The following CD226 variants were observed in gnomAD, a reference collection of about 807,000 sequenced individuals.
The protein encoded by CD226 is CD226 molecule.
In CD226, 24 loss-of-function variants were observed where a neutral mutation model predicts 34.9. The ratio of observed to expected loss-of-function variants is 0.69; its 90% CI spans 0.50 to 0.97. The LOEUF (loss-of-function observed/expected upper bound fraction) is 0.97. Ranked by LOEUF, CD226 falls within the 50% of genes least tolerant of loss-of-function variation. The probability of loss-of-function intolerance (pLI) is 0.00; values close to 1 mark genes in which losing one functional copy is unlikely to be tolerated. For missense variants in CD226, 397 were observed against 412.7 expected (o/e 0.96, Z 0.33); for synonymous variants, 148 against 147.4 (o/e 1.00, Z -0.03).
intron 2 of CD226, among the ~76,000 whole-genome samples, chr18:69,930,034 T>A (rs1371264588): frequency 6.6e-6 from 1 of 152,160 alleles, no homozygotes; most frequent in Non-Finnish European, 1.5e-5. Flanking sequence ...CACGGGCAAC[T>A]ACAAACAAAA....
chr18:69,896,172 T>G, intron 2 of CD226, 127 bp from the exon 3 acceptor site: 1 of 1,407,456 alleles, frequency 7.1e-7, no homozygotes, highest in Non-Finnish European at 9.2e-7. Flanking sequence ...GAATGACCTC[T>G]TTATACTACT....
Position 69,895,975 on chromosome 18 carries a change from A to G in CD226, c.453T>C (p.Thr151=). The G allele has an allele frequency of 6.2e-7, 1 of 1,614,044 alleles. No individual in the cohort carries two copies. Among genetic ancestry groups the G allele is most frequent in the East Asian group, 2.2e-5 (1 of 44,884 alleles). The change falls in exon 3 of 6, where the codon ACT becomes ACC. Residue 151 remains threonine, a synonymous_variant. Coordinates refer to ENST00000582621, the MANE Select transcript of CD226 (RefSeq NM_001303618.2). ...CAGGCCACGTCATCTGAGGCTGACA[A>G]GTGAGTGTGACATTCTTTCCAGGTT... ...VSEPGKNVTL[T]CQPQMTWPVQ...
chr18:69,935,906 G>A (rs2055647235), intron 2 of CD226, among the ~76,000 whole-genome samples: 1 of 152,210 alleles, frequency 6.6e-6, no homozygotes, highest in Non-Finnish European at 1.5e-5. Flanking sequence ...CAAAATGGCT[G>A]CACACAAAGA....
chr18:69,900,443 A>T (rs564861512), intron 2 of CD226, among the ~76,000 whole-genome samples: 1 of 152,128 alleles, frequency 6.6e-6, no homozygotes, highest in Non-Finnish European at 1.5e-5. Flanking sequence ...TTTTTTAAAA[A>T]TTTTTCTGGC....
In CD226 at chr18:69,956,147, C is replaced by T. The variant is rs193060949; in HGVS notation, c.-28+608G>A. On this transcript the variant is annotated intron_variant, in intron 1 of 6. Transcript: ENST00000280200. ...CTGAAACTATGGCCTGAGGGCTGGG[C>T]GCAGCCCACTGATTTCCATAAACAG... Among the ~76,000 whole-genome samples, 205 of 152,334 alleles carry T rather than the reference C, an allele frequency of 1.3e-3. 1 individual carries two copies. The highest frequency in any genetic ancestry group is 4.6e-3 in the African/African-American group (193 of 41,576).
intron 2 of CD226, among the ~76,000 whole-genome samples, chr18:69,940,015 A>G (rs575265643): frequency 9.2e-5 from 14 of 152,286 alleles, no homozygotes; most frequent in African/African-American, 3.1e-4. Context: ...CGTGGGAGAG[A>G]CCAGGTGGAG....
At chr18:69,956,592 G>C (rs539012257) in intron 1 of CD226, 3 of 152,368 alleles carry the variant, frequency 2.0e-5, no homozygotes, top group Non-Finnish European at 4.4e-5. Flanking sequence ...ACAGTTCACA[G>C]AACACCGAGC....
At chr18:69,953,231 A>C (rs1476507015) in intron 1 of CD226, among the ~76,000 whole-genome samples, 1 of 152,232 alleles carries the variant, frequency 6.6e-6, no homozygotes, top group Admixed American at 6.5e-5. Flanking sequence ...ATATACTCAA[A>C]AGAATATACT....
intron 3 of CD226, among the ~76,000 whole-genome samples, chr18:69,891,400 G>A (rs141638456): frequency 4.4e-4 from 67 of 152,196 alleles, no homozygotes; most frequent in South Asian, 6.2e-4. Context: ...GTAAGACTGA[G>A]AACTTTTGCT....
At chr18:69,892,462 C>CTTCG (rs1243204909) in intron 3 of CD226, among the ~76,000 whole-genome samples, 2 of 152,210 alleles carry the variant, frequency 1.3e-5, no homozygotes, top group African/African-American at 4.8e-5. Context: ...TTTCCTTGCC[C>CTTCG]TTCGGTCCAG....
chr18:69,900,307 A>G (rs1320113746), intron 2 of CD226, among the ~76,000 whole-genome samples: 1 of 151,316 alleles, frequency 6.6e-6, no homozygotes, highest in Non-Finnish European at 1.5e-5. Flanking sequence ...GAGGGAGAGA[A>G]GCAGAAAAGA....
intron 2 of CD226, among the ~76,000 whole-genome samples, chr18:69,917,515 A>C (rs759631770): frequency 5.9e-5 from 9 of 152,156 alleles, no homozygotes; most frequent in Non-Finnish European, 1.0e-4. Flanking sequence ...CTCATATTTT[A>C]GCCTATATGC....
intron 5 of CD226, among the ~76,000 whole-genome samples, chr18:69,865,770 G>A (rs1189025913): frequency 6.6e-6 from 1 of 152,290 alleles, no homozygotes; most frequent in Non-Finnish European, 1.5e-5. Context: ...GAAGGCATCT[G>A]ATGAACACAT....
At chr18:69,881,459 CT>C in intron 3 of CD226, among the ~76,000 whole-genome samples, 2 of 152,302 alleles carry the variant, frequency 1.3e-5, no homozygotes, top group South Asian at 4.1e-4. Context: ...ACATAGGACA[CT>C]TAATGTTTTA....
chr18:69,960,451 T>G (rs2055924725), upstream of CD226, among the ~76,000 whole-genome samples: 1 of 152,010 alleles, frequency 6.6e-6, no homozygotes, highest in Non-Finnish European at 1.5e-5. Context: ...TACTTGACAA[T>G]TTTCGTTGTT....
chr18:69,934,310 A>ACACACACACACACACACG (rs1568201409), intron 2 of CD226, among the ~76,000 whole-genome samples: 3 of 150,490 alleles, frequency 2.0e-5, no homozygotes, highest in African/African-American at 7.5e-5. Context: ...ACACACACAC[A>ACACACACACACACACACG]CGCACGCACA....
At chr18:69,896,665 G>C (rs1985322753) in intron 2 of CD226, among the ~76,000 whole-genome samples, 1 of 152,180 alleles carries the variant, frequency 6.6e-6, no homozygotes, top group Admixed American at 6.5e-5. Flanking sequence ...ATCATATCAA[G>C]AGGCTGAATT....
At chr18:69,865,521 A>G (rs1165236007) in intron 5 of CD226, among the ~76,000 whole-genome samples, 1 of 150,152 alleles carries the variant, frequency 6.7e-6, no homozygotes, top group East Asian at 2.1e-4. Flanking sequence ...ATTCACAACA[A>G]TAAATGTGAC....
intron 2 of CD226, among the ~76,000 whole-genome samples, chr18:69,944,938 A>C (rs986378933): frequency 6.6e-6 from 1 of 152,248 alleles, no homozygotes; most frequent in Non-Finnish European, 1.5e-5. Flanking sequence ...CCTAAAGAGA[A>C]AGGGAAAACT....
Sources: allele counts gnomAD v4.1 joint callset (sites outside exome capture counted in the v4.1 genomes callset), GRCh38; gene constraint gnomAD v4.1.1; transcripts MANE v1.5; gene names NCBI Gene and HGNC (gene_info 2026-07-23, HGNC 2026-07-21).